USF2: variants seen among roughly 807,000 people sequenced by gnomAD.
USF2 encodes the protein upstream transcription factor 2, c-fos interacting, also known as upstream stimulatory factor 2.
Under a neutral mutation model 46.9 loss-of-function variants are expected in USF2, and 16 were observed. The ratio of observed to expected loss-of-function variants is 0.34; its 90% CI spans 0.23 to 0.52. The LOEUF (loss-of-function observed/expected upper bound fraction) is 0.52, where lower values mean the gene tolerates loss of function less well. Ranked by LOEUF, USF2 falls within the 20% of genes least tolerant of loss-of-function variation. The pLI, the probability that USF2 is intolerant of heterozygous loss-of-function variation, is 0.96. For missense variants in USF2, 411 were observed against 474.0 expected (o/e 0.87, Z 1.23); for synonymous variants, 239 against 194.1 (o/e 1.23, Z -1.92).
chr19:35,278,899 C>T (rs749286735), intron 8 of USF2, 47 bp from the exon 9 acceptor site: 44 of 1,579,414 alleles, frequency 2.8e-5, no homozygotes, highest in East Asian at 9.0e-5. Flanking sequence ...GGGTGGAGGC[C>T]GGTGGGCGGT....
intron 7 of USF2, among the ~76,000 whole-genome samples, chr19:35,274,389 C>G (rs1205947474): frequency 6.6e-6 from 1 of 152,140 alleles, no homozygotes; most frequent in East Asian, 1.9e-4. Context: ...TCTCTCACTT[C>G]TTTTTCCCTC....
chr19:35,274,208 C>G (rs910165054), intron 7 of USF2, among the ~76,000 whole-genome samples: 3 of 152,208 alleles, frequency 2.0e-5, no homozygotes, highest in African/African-American at 7.2e-5. Flanking sequence ...GTGCCATCTC[C>G]CGTCTCCAAA....
At chr19:35,272,471 G>A (rs2733745) in intron 7 of USF2, among the ~76,000 whole-genome samples, 1 of 152,148 alleles carries the variant, frequency 6.6e-6, no homozygotes, top group Non-Finnish European at 1.5e-5. Flanking sequence ...ACACAGGCCA[G>A]GCCCTGAGCC....
At position 35,277,341 on chromosome 19, in the gene USF2, G is replaced by A. The variant is rs139776920; in HGVS notation, c.728-1357G>A. The A allele has an allele frequency of 2.5e-3, 385 of 153,402 alleles. 1 individual carries two copies. The highest frequency in any genetic ancestry group is 8.6e-3 in the African/African-American group (358 of 41,584). The allele number at this position is 153,402 out of a possible 1,614,324, so 9.5% of individuals were successfully genotyped here. A position where few individuals can be genotyped will look rare whatever the true frequency, so the allele number is the denominator to read the frequency against. On this transcript the variant is annotated intron_variant, in intron 7 of 9. Coordinates refer to ENST00000222305, the MANE Select transcript of USF2 (RefSeq NM_003367.4). ...GAAGGGGCCAGGGAAGAGAGGTCACGGTGGGAGAAGGAGAGTCCGCATCCA... is the reference window on the plus strand; with the variant it reads ...GAAGGGGCCAGGGAAGAGAGGTCACAGTGGGAGAAGGAGAGTCCGCATCCA...
chr19:35,270,817 G>C lies in USF2; in HGVS notation c.668+12G>C. 6.2e-7 allele frequency: 1 copy of C among 1,614,088 alleles called. No individual in the cohort carries two copies. Among genetic ancestry groups the C allele is most frequent in the Non-Finnish European group, 8.5e-7 (1 of 1,179,972 alleles). ...CACCCTTACTCTCCGTATGTGCAGG[G>C]GACACCTGGAGGGCCTGGTGTTGAA... On this transcript the variant is annotated intron_variant, in intron 6 of 9. Transcript: ENST00000222305.
chr19:35,270,659 C>A, intron 5 of USF2, 59 bp from the exon 6 acceptor site: 2 of 1,610,918 alleles, frequency 1.2e-6, no homozygotes, highest in South Asian at 1.1e-5. Context: ...GGAGGGAAGC[C>A]CCCCCAGCCA....
chr19:35,269,472 AG>A lies in USF2; in HGVS notation c.92del (p.Gly31AlafsTer47). 1 of 1,548,480 alleles carries A rather than the reference AG, an allele frequency of 6.5e-7. No homozygotes were observed. The highest frequency in any genetic ancestry group is 8.7e-7 in the Non-Finnish European group (1 of 1,155,594). On this transcript the variant is annotated frameshift_variant, in exon 2 of 10. Transcript: ENST00000222305. LOFTEE classifies it high-confidence loss of function. ...CACGACAAGGGACCCGAGGCGGAGG[AG>A]GGCGTCGAGCTGCAGGAAGGTGAGT... ...ASHDKGPEAE[E>X]GVELQEGGDG...
chr19:35,270,301 G>C, intron 4 of USF2, 146 bp from the exon 5 acceptor site: 3 of 1,264,992 alleles, frequency 2.4e-6, no homozygotes, highest in Non-Finnish European at 3.2e-6. Context: ...AGGGCTGTTT[G>C]AAACACAGGA....
chr19:35,269,380 T>C, intron 1 of USF2, 66 bp from the exon 2 acceptor site: 1 of 1,279,564 alleles, frequency 7.8e-7, no homozygotes, highest in Non-Finnish European at 9.8e-7. Context: ...GCCCTGCAGC[T>C]GGGCGCGGGG....
Position 35,270,709 on chromosome 19 carries a change from T to C in USF2, c.581-9T>C, listed in dbSNP as rs1157468280. On this transcript the variant is annotated splice_polypyrimidine_tract_variant and intron_variant, in intron 5 of 9. Transcript: ENST00000222305. Reference sequence around the variant, plus strand: ...CTGCCTTGCCACTAACCCCCCACTCTCCCTGCAGGCCAGTTCTACGTCATG... The same window carrying C: ...CTGCCTTGCCACTAACCCCCCACTCCCCCTGCAGGCCAGTTCTACGTCATG... 1 of 1,613,854 alleles carries C rather than the reference T, an allele frequency of 6.2e-7. No individual in the cohort carries two copies. Among genetic ancestry groups the C allele is most frequent in the Non-Finnish European group, 8.5e-7 (1 of 1,179,960 alleles).
intron 1 of USF2, 129 bp from the exon 2 acceptor site, chr19:35,269,317 G>GC (rs1363246424): frequency 1.1e-6 from 1 of 898,974 alleles, no homozygotes; most frequent in Non-Finnish European, 1.3e-6. Flanking sequence ...CCCGCCCCCG[G>GC]CCCCCGGCCT....
At chr19:35,269,763 G>A (rs1159895223) in intron 3 of USF2, 40 bp from the exon 4 acceptor site, 4 of 1,491,518 alleles carry the variant, frequency 2.7e-6, no homozygotes, top group African/African-American at 1.5e-5. Flanking sequence ...GCTCGGACCT[G>A]GCCCCAGCGC....
At chr19:35,271,282 AG>A in intron 7 of USF2, 141 bp downstream of exon 7, 1 of 938,470 alleles carries the variant, frequency 1.1e-6, no homozygotes, top group South Asian at 1.5e-5. Context: ...GACGCTGTAA[AG>A]GTAGAAAGTG....
At position 35,270,719 on chromosome 19, in the gene USF2, C is replaced by T; in HGVS notation, c.582C>T (p.Gly194=). Residue 194 remains glycine (G), a splice_region_variant and synonymous_variant, in exon 6 of 10, where the codon GGC becomes GGT. Coordinates refer to ENST00000222305, the MANE Select transcript of USF2 (RefSeq NM_003367.4). ...QTTDQSLQAG[G]QFYVMMTPQD... is the part of the protein sequence containing the mutation. ...ACTAACCCCCCACTCTCCCTGCAGG[C>T]CAGTTCTACGTCATGATGACGCCCC... 2 of 1,614,112 alleles carry T rather than the reference C, an allele frequency of 1.2e-6. No homozygotes were observed. The highest frequency in any genetic ancestry group is 1.7e-6 in the Non-Finnish European group (2 of 1,180,014).
At chr19:35,271,374 G>T (rs1599624448) in intron 7 of USF2, among the ~76,000 whole-genome samples, 1 of 152,202 alleles carries the variant, frequency 6.6e-6, no homozygotes, top group South Asian at 2.1e-4. Context: ...GACCCGGCTG[G>T]TGATCTTGAA....
chr19:35,271,256 C>T, intron 7 of USF2, 115 bp downstream of exon 7: 3 of 1,249,656 alleles, frequency 2.4e-6, no homozygotes, highest in East Asian at 4.7e-5. Flanking sequence ...CACAAGTGCT[C>T]CAGAGGGCTT....
chr19:35,276,099 T>C (rs900778284), intron 7 of USF2, among the ~76,000 whole-genome samples: 9 of 125,874 alleles, frequency 7.2e-5, no homozygotes, highest in African/African-American at 2.7e-4. Flanking sequence ...TGAGACAGAG[T>C]CTCGCTCTGT....
chr19:35,269,602 A>T lies in USF2; in HGVS notation c.131A>T (p.Glu44Val). The T allele has an allele frequency of 1.3e-6, 2 of 1,594,900 alleles. No individual in the cohort carries two copies. Among genetic ancestry groups the T allele is most frequent in the Non-Finnish European group, 1.7e-6 (2 of 1,172,116 alleles). Reference protein sequence around the residue: ...LQEGGDGPGAEEQTAVAITSV... With the variant: ...LQEGGDGPGAVEQTAVAITSV... ...CCAGGCGGGGACGGCCCAGGAGCGG[A>T]GGAGCAGACAGCGGTGGCCATCACC... The change falls in exon 3 of 10, where the codon GAG (glutamate) becomes GTG (valine). Residue 44 changes from glutamate (E) to valine (V), a missense_variant. Glu to Val is a moderately radical substitution (Grantham distance 121). Transcript: ENST00000222305.
chr19:35,270,130 G>T (rs1213248370), intron 4 of USF2, 127 bp downstream of exon 4: 1 of 1,133,664 alleles, frequency 8.8e-7, no homozygotes, highest in Non-Finnish European at 1.2e-6. Context: ...GCCTCAGGCT[G>T]CATGGGGCCA....
Sources: gnomAD v4.1 joint callset for allele counts (sites outside exome capture counted in the v4.1 genomes callset) on GRCh38, gnomAD v4.1.1 for gene constraint, MANE v1.5 for transcripts, NCBI Gene and HGNC (gene_info 2026-07-23, HGNC 2026-07-21) for gene names.